PWWP2A: variants seen among roughly 807,000 people sequenced by gnomAD.
PWWP2A encodes the protein PWWP domain-containing protein 2A.
Under a neutral mutation model 48.5 loss-of-function variants are expected in PWWP2A, and 18 were observed. The observed-to-expected ratio is 0.37, with a 90% CI of 0.26 to 0.55. The LOEUF (loss-of-function observed/expected upper bound fraction) is 0.55, where lower values mean the gene tolerates loss of function less well. Among genes scored for constraint, PWWP2A ranks in the 20% least tolerant of loss-of-function variants. The probability of loss-of-function intolerance (pLI) is 0.81; values close to 1 mark genes in which losing one functional copy is unlikely to be tolerated. For synonymous variants in PWWP2A, 396 were observed against 387.7 expected, an observed-to-expected ratio of 1.02 and a Z score of -0.25; for missense variants, 867 against 976.4, an observed-to-expected ratio of 0.89 and a Z score of 1.49.
At chr5:160,112,339 G>C (rs1482342614) in intron 1 of PWWP2A, among the ~76,000 whole-genome samples, 1 of 151,950 alleles carries the variant, frequency 6.6e-6, no homozygotes, top group African/African-American at 2.4e-5. Flanking sequence ...TCCTGCCTCA[G>C]CCTCCTGAGT....
At chr5:160,046,138 A>C in the PWWP2A span, among the ~76,000 whole-genome samples, 1 of 152,126 alleles carries the variant, frequency 6.6e-6, no homozygotes, top group Non-Finnish European at 1.5e-5. Context: ...ATAATTGTCT[A>C]TACTTGGCTG....
At chr5:160,085,556 G>T (rs1263826047) in intron 2 of PWWP2A, among the ~76,000 whole-genome samples, 2 of 147,802 alleles carry the variant, frequency 1.4e-5, no homozygotes, top group South Asian at 2.1e-4. Context: ...ACCCAGGCTG[G>T]AGTGTAATGG....
the PWWP2A span, among the ~76,000 whole-genome samples, chr5:160,053,877 T>A: frequency 6.6e-6 from 1 of 152,346 alleles, no homozygotes; most frequent in East Asian, 1.9e-4. Context: ...GAAAAAATCC[T>A]GATAGGAATT....
At chr5:160,100,192 T>G (rs1359358861) in intron 1 of PWWP2A, among the ~76,000 whole-genome samples, 2 of 151,794 alleles carry the variant, frequency 1.3e-5, no homozygotes, top group Non-Finnish European at 2.9e-5. Flanking sequence ...TCCCAGCTAC[T>G]GGGGAGGCTC....
intron 2 of PWWP2A, among the ~76,000 whole-genome samples, chr5:160,083,277 G>A (rs1052365324): frequency 6.6e-6 from 1 of 152,032 alleles, no homozygotes; most frequent in South Asian, 2.1e-4. Context: ...CTAAACTGTT[G>A]GGGGAGATGA....
chr5:160,111,102 T>TAGTC (rs1757519457), intron 1 of PWWP2A, among the ~76,000 whole-genome samples: 1 of 151,940 alleles, frequency 6.6e-6, no homozygotes, highest in African/African-American at 2.4e-5. Context: ...GGAGGATTAC[T>TAGTC]AGTCACTTGA....
Position 160,093,130 on chromosome 5 carries a change from T to C in PWWP2A, c.1520A>G (p.Gln507Arg), listed in dbSNP as rs898906553. 4 of 1,613,822 alleles carry C rather than the reference T, an allele frequency of 2.5e-6. No homozygotes were observed. The highest frequency in any genetic ancestry group is 8.5e-7 in the Non-Finnish European group (1 of 1,179,890). ...TGAGCGGGTAGAGGTGCAGCGAGAC[T>C]GGGGCTTGGGTGCCATCTTGCCACT... ...MRSGKMAPKP[Q>R]SRCTSTRSAG... The change falls in exon 2 of 2, where the codon CAG becomes CGG. Residue 507 changes from glutamine (Q) to arginine (R), a missense_variant. This residue lies in a region of PWWP2A where 382 missense variants were observed against 407.2 expected (regional missense o/e 0.94). Transcript: ENST00000307063. The surrounding 1 kb of genome is among the most constrained non-coding windows in gnomAD (Gnocchi z 5.8).
chr5:160,067,168 G>T (rs1239011599), intron 2 of PWWP2A, among the ~76,000 whole-genome samples: 1 of 152,154 alleles, frequency 6.6e-6, no homozygotes, highest in Non-Finnish European at 1.5e-5. Flanking sequence ...AACAGCAAGA[G>T]TCTCACATCT....
At chr5:160,085,591 C>G (rs979148798) in intron 2 of PWWP2A, among the ~76,000 whole-genome samples, 1 of 148,622 alleles carries the variant, frequency 6.7e-6, no homozygotes, top group Non-Finnish European at 1.5e-5. Context: ...ACTGCAACCT[C>G]TGCCTCCCGG....
rs765708364 is a variant in PWWP2A, at chr5:160,093,999, G to A, written c.651C>T (p.Ala217=). Residue 217 remains alanine (A), a synonymous_variant, in exon 2 of 2, where the codon GCC becomes GCT. Transcript: ENST00000307063. The surrounding 1 kb of genome is among the most constrained non-coding windows in gnomAD (Gnocchi z 5.8). ...PKREYKDKPE[A]MPLQSNTFQE... ...GGAATGTATTACTTTGGAGCGGCAT[G>A]GCTTCTGGTTTATCCTTATATTCCC... 3 of 1,613,976 alleles carry A rather than the reference G, an allele frequency of 1.9e-6. No homozygotes were observed. The highest frequency in any genetic ancestry group is 4.5e-5 in the East Asian group (2 of 44,884).
At position 160,117,868 on chromosome 5, in the gene PWWP2A, T is replaced by C. The variant is rs1303108130; in HGVS notation, c.584+937A>G. 24 of 984,636 alleles carry C rather than the reference T, an allele frequency of 2.4e-5. 1 individual carries two copies. The South Asian group carries it at 5.2e-4, about 21-fold the overall frequency. 61.0% of individuals were successfully genotyped at this position (984,636 alleles called of 1,614,324 possible). A position where few individuals can be genotyped will look rare whatever the true frequency, so the allele number is the denominator to read the frequency against. On this transcript the variant is annotated intron_variant, in intron 1 of 1. Coordinates refer to ENST00000307063, the MANE Select transcript of PWWP2A (RefSeq NM_001130864.2). ...AAACAGGTGAGATACGATCAGAGCGTGTGCTGTTGCAGGAAACAGAATGGA... is the reference window on the plus strand; with the variant it reads ...AAACAGGTGAGATACGATCAGAGCGCGTGCTGTTGCAGGAAACAGAATGGA...
chr5:160,089,728 C>A (rs892168880), downstream of PWWP2A: 36 of 1,237,336 alleles, frequency 2.9e-5, no homozygotes, highest in Non-Finnish European at 3.7e-5. Flanking sequence ...CTGGCCAATC[C>A]TTTGTTTTAG....
chr5:160,046,624 TTA>T, the PWWP2A span, among the ~76,000 whole-genome samples: 2 of 152,134 alleles, frequency 1.3e-5, no homozygotes, highest in Admixed American at 6.6e-5. Flanking sequence ...ATATTTATGT[TTA>T]TGTTATATAC....
In PWWP2A at chr5:160,119,171, G is replaced by C. The variant is rs1197087282; in HGVS notation, c.218C>G (p.Pro73Arg). 6.6e-7 allele frequency: 1 copy of C among 1,512,262 alleles called. No individual in the cohort carries two copies. The highest frequency in any genetic ancestry group is 8.7e-7 in the Non-Finnish European group (1 of 1,146,808). 93.7% of individuals were successfully genotyped at this position (1,512,262 alleles called of 1,614,324 possible). Residue 73 changes from proline to arginine, a missense_variant, in exon 1 of 2, where the codon CCG (proline) becomes CGG (arginine). This residue lies in a region of PWWP2A where 385 missense variants were observed against 396.9 expected (regional missense o/e 0.97). Transcript: ENST00000307063. Reference protein sequence around the residue: ...ADEPPLPPPPPPPGELARSPE... With the variant: ...ADEPPLPPPPRPPGELARSPE... ...GCTGCGGGCGAGCTCCCCCGGCGGC[G>C]GCGGTGGCGGCGGGAGCGGCGGCTC...
At chr5:160,090,554 ATG>A (rs1007593857), downstream of PWWP2A, 13 of 984,114 alleles carry the variant, frequency 1.3e-5, no homozygotes, top group East Asian at 1.1e-4. Context: ...TGTTTTCAAA[ATG>A]TGTGTTTATT....
intron 1 of PWWP2A, among the ~76,000 whole-genome samples, chr5:160,115,781 G>A (rs965193926): frequency 6.6e-6 from 1 of 151,812 alleles, no homozygotes; most frequent in South Asian, 2.1e-4. Flanking sequence ...GAAGAACGCA[G>A]TGAGCTACGA....
intron 1 of PWWP2A, among the ~76,000 whole-genome samples, chr5:160,104,993 G>C (rs1391102256): frequency 6.6e-6 from 1 of 152,154 alleles, no homozygotes; most frequent in Non-Finnish European, 1.5e-5. Context: ...TGTAATCCAA[G>C]CATTTCTGGA....
intron 1 of PWWP2A, among the ~76,000 whole-genome samples, chr5:160,095,287 T>TAA (rs1269090774): frequency 1.3e-5 from 2 of 152,118 alleles, no homozygotes; most frequent in African/African-American, 4.8e-5. Flanking sequence ...CCATGGTATC[T>TAA]AATACGAATC....
chr5:160,100,956 G>C (rs1460141661), intron 1 of PWWP2A, among the ~76,000 whole-genome samples: 1 of 152,222 alleles, frequency 6.6e-6, no homozygotes, highest in Non-Finnish European at 1.5e-5. Context: ...AGCAACCCAA[G>C]TGTCTACTGA....
Sources: gnomAD v4.1 joint callset for allele counts (sites outside exome capture counted in the v4.1 genomes callset) on GRCh38, gnomAD v4.1.1 for gene constraint, gnomAD v4.1.1 regional missense constraint, Gnocchi (gnomAD v3.1) non-coding constraint, MANE v1.5 for transcripts, NCBI Gene and HGNC (gene_info 2026-07-23, HGNC 2026-07-21) for gene names.